Variants in EYA2 observed in about 807,000 individuals in gnomAD.
EYA2 encodes the protein protein phosphatase EYA2.
A neutral mutation model predicts 69.2 loss-of-function variants in EYA2; 31 were observed. That is an observed-to-expected ratio of 0.45 (90% CI 0.34 to 0.60). EYA2 has a LOEUF of 0.60. Among genes scored for constraint, EYA2 ranks in the 20% least tolerant of loss-of-function variants. The probability of loss-of-function intolerance (pLI) is 0.02; values close to 1 mark genes in which losing one functional copy is unlikely to be tolerated. For missense variants in EYA2, 622 were observed against 701.2 expected (o/e 0.89, Z 1.28); for synonymous variants, 257 against 279.4 (o/e 0.92, Z 0.80).
intron 5 of EYA2, among the ~76,000 whole-genome samples, chr20:47,021,187 T>C (rs1020204782): frequency 1.3e-5 from 2 of 152,216 alleles, no homozygotes; most frequent in Non-Finnish European, 2.9e-5. Context: ...TGATGGGCCA[T>C]GTTCTTTCCA....
intron 1 of EYA2, among the ~76,000 whole-genome samples, chr20:46,963,781 C>T (rs59859949): frequency 0.049 from 7,457 of 152,322 alleles, 596 homozygotes; most frequent in African/African-American, 0.17. Flanking sequence ...AGGTAGCCTT[C>T]GGCTAAGCCA....
chr20:47,154,338 GGCC>G (rs2033879186), intron 10 of EYA2, among the ~76,000 whole-genome samples: 5 of 151,994 alleles, frequency 3.3e-5, no homozygotes, highest in Non-Finnish European at 5.9e-5. Context: ...CTTCCTTAGA[GGCC>G]CTACCTCTAA....
intron 9 of EYA2, among the ~76,000 whole-genome samples, chr20:47,129,387 G>T (rs1271993565): frequency 6.6e-6 from 1 of 152,186 alleles, no homozygotes; most frequent in East Asian, 1.9e-4. Flanking sequence ...GGCATTGAAA[G>T]TGGGAATGGA....
At chr20:47,079,489 G>T (rs1414252740) in intron 7 of EYA2, among the ~76,000 whole-genome samples, 1 of 152,044 alleles carries the variant, frequency 6.6e-6, no homozygotes, top group Non-Finnish European at 1.5e-5. Context: ...TCTAACTCCT[G>T]CCCCCGACCC....
intron 4 of EYA2, among the ~76,000 whole-genome samples, chr20:47,011,614 T>C (rs1983061758): frequency 1.3e-5 from 2 of 150,492 alleles, no homozygotes; most frequent in Admixed American, 6.7e-5. Context: ...GCCTTCCCTC[T>C]GCCTGGACAG....
chr20:46,908,795 G>A (rs991480788), intron 1 of EYA2, among the ~76,000 whole-genome samples: 5 of 145,754 alleles, frequency 3.4e-5, no homozygotes, highest in South Asian at 2.2e-4. Flanking sequence ...CATAGTGTAC[G>A]ATCCCTCTCC....
At chr20:46,921,187 G>T (rs1303384954) in intron 1 of EYA2, among the ~76,000 whole-genome samples, 3 of 152,232 alleles carry the variant, frequency 2.0e-5, no homozygotes, top group African/African-American at 7.2e-5. Context: ...TGGAGACTTG[G>T]AGCCAGCAAT....
At chr20:47,172,938 T>C in intron 12 of EYA2, 71 bp downstream of exon 12, 2 of 1,508,746 alleles carry the variant, frequency 1.3e-6, no homozygotes. Flanking sequence ...GTGTCCCTGC[T>C]GTGCCAGGCG....
chr20:46,988,873 T>C (rs887340710), intron 1 of EYA2, among the ~76,000 whole-genome samples: 1 of 151,908 alleles, frequency 6.6e-6, no homozygotes, highest in Non-Finnish European at 1.5e-5. Context: ...CAGCTAACTT[T>C]GTTGTATTTT....
intron 4 of EYA2, among the ~76,000 whole-genome samples, chr20:47,008,356 C>G (rs1370434555): frequency 1.3e-5 from 2 of 152,218 alleles, no homozygotes; most frequent in Non-Finnish European, 2.9e-5. Context: ...CAGCCTGGCT[C>G]TGGACCCCGA....
chr20:47,187,464 T>G (rs2034669042), intron 15 of EYA2, among the ~76,000 whole-genome samples: 1 of 114,062 alleles, frequency 8.8e-6, no homozygotes, highest in Admixed American at 8.0e-5. Context: ...GAAAACAGAT[T>G]AGTGTCATCT....
At chr20:46,920,644 C>T (rs1600544649) in intron 1 of EYA2, among the ~76,000 whole-genome samples, 1 of 152,196 alleles carries the variant, frequency 6.6e-6, no homozygotes, top group East Asian at 1.9e-4. Flanking sequence ...AATCTCTGAG[C>T]TCCCCTCTGA....
intron 5 of EYA2, among the ~76,000 whole-genome samples, chr20:47,054,242 C>T (rs940174060): frequency 5.3e-5 from 8 of 152,094 alleles, no homozygotes; most frequent in African/African-American, 1.9e-4. Context: ...TGATGCCACC[C>T]CTGGCTGAGG....
chr20:46,912,467 A>T (rs1600537108), intron 1 of EYA2, among the ~76,000 whole-genome samples: 1 of 152,184 alleles, frequency 6.6e-6, no homozygotes, highest in Non-Finnish European at 1.5e-5. Flanking sequence ...TTTATTGAAC[A>T]CTTCTATGAG....
chr20:47,134,799 G>A (rs774770312), intron 9 of EYA2, among the ~76,000 whole-genome samples: 1 of 152,078 alleles, frequency 6.6e-6, no homozygotes, highest in Admixed American at 6.5e-5. Context: ...TGATCAAATG[G>A]GCACTGCTAG....
intron 1 of EYA2, among the ~76,000 whole-genome samples, chr20:46,944,498 CAG>C (rs1978342379): frequency 6.6e-6 from 1 of 152,096 alleles, no homozygotes; most frequent in African/African-American, 2.4e-5. Flanking sequence ...ACCAAGCACT[CAG>C]GGCATGCAAG....
chr20:47,166,419 AAAAAAAAAAAAAG>A (rs1310912397), intron 10 of EYA2, among the ~76,000 whole-genome samples: 39 of 142,364 alleles, frequency 2.7e-4, no homozygotes, highest in African/African-American at 1.1e-3. Flanking sequence ...AAAAAAAAAA[AAAAAAAAAAAAAG>A]CTTTTTGCTT....
chr20:47,039,669 A>G (rs942298433), intron 5 of EYA2, among the ~76,000 whole-genome samples: 6 of 151,974 alleles, frequency 3.9e-5, no homozygotes, highest in African/African-American at 1.2e-4. Flanking sequence ...TCTTTTTTCT[A>G]TTCCTGAGGC....
At chr20:46,915,272 G>A (rs1046320860) in intron 1 of EYA2, among the ~76,000 whole-genome samples, 5 of 152,122 alleles carry the variant, frequency 3.3e-5, no homozygotes, top group Non-Finnish European at 7.4e-5. Flanking sequence ...TAAAAAACAC[G>A]CCCACTGCCT....
Sources: gnomAD v4.1 joint callset for allele counts (sites outside exome capture counted in the v4.1 genomes callset) on GRCh38, gnomAD v4.1.1 for gene constraint, MANE v1.5 for transcripts, NCBI Gene and HGNC (gene_info 2026-07-23, HGNC 2026-07-21) for gene names.